RGS21: variants seen among roughly 807,000 people sequenced by gnomAD.
RGS21 encodes regulator of G-protein signalling 21.
In RGS21, 19 loss-of-function variants were observed where a neutral mutation model predicts 18.7. The ratio of observed to expected loss-of-function variants is 1.01; its 90% CI spans 0.71 to 1.49. The LOEUF is 1.49. Among genes scored for constraint, RGS21 ranks in the 40% most tolerant of loss-of-function variants. The probability of loss-of-function intolerance (pLI) is 0.00; values close to 1 mark genes in which losing one functional copy is unlikely to be tolerated. For missense variants in RGS21, 194 were observed against 176.8 expected, an observed-to-expected ratio of 1.10 and a Z score of -0.55; for synonymous variants, 56 against 57.8, an observed-to-expected ratio of 0.97 and a Z score of 0.14.
chr1:192,356,046 G>A (rs918646909), intron 4 of RGS21, among the ~76,000 whole-genome samples: 1 of 151,732 alleles, frequency 6.6e-6, no homozygotes, highest in Non-Finnish European at 1.5e-5. Flanking sequence ...AAAAACAGCA[G>A]AAAATGTTTA....
chr1:192,338,685 T>C (rs1345205483), intron 1 of RGS21, among the ~76,000 whole-genome samples: 1 of 152,126 alleles, frequency 6.6e-6, no homozygotes, highest in Non-Finnish European at 1.5e-5. Flanking sequence ...GGAAATTCCA[T>C]GCCACACTGT....
In RGS21 at chr1:192,317,088, C is replaced by T. The variant is rs1481480493; in HGVS notation, c.-78C>T. On this transcript the variant is annotated 5_prime_UTR_variant, in exon 1 of 5. Coordinates refer to ENST00000417209, the MANE Select transcript of RGS21 (RefSeq NM_001039152.3). ...ATCAAGAGAGCAAGGACAGTGATTT[C>T]CCCTGCATTGCATTTGTGTGAGTAT... 1.3e-5 allele frequency: 2 copies of T among 151,816 alleles called. No homozygotes were observed. Among genetic ancestry groups the T allele is most frequent in the Admixed American group, 6.6e-5 (1 of 15,216 alleles). The allele number at this position is 151,816 out of a possible 1,614,324, so 9.4% of individuals were successfully genotyped here.
intron 2 of RGS21, among the ~76,000 whole-genome samples, chr1:192,346,957 AC>A (rs1214897091): frequency 6.6e-6 from 1 of 152,174 alleles, no homozygotes; most frequent in Admixed American, 6.5e-5. Flanking sequence ...TGCTATCATA[AC>A]TTTTTGGCTA....
intron 4 of RGS21, among the ~76,000 whole-genome samples, chr1:192,353,789 C>A (rs1403515522): frequency 1.3e-5 from 2 of 151,486 alleles, no homozygotes; most frequent in African/African-American, 2.4e-5. Flanking sequence ...GGATATAAAA[C>A]TTCACAGCTT....
chr1:192,333,806 G>A (rs1053438903), intron 1 of RGS21, among the ~76,000 whole-genome samples: 1 of 151,916 alleles, frequency 6.6e-6, no homozygotes, highest in Non-Finnish European at 1.5e-5. Flanking sequence ...AATGACAAAG[G>A]GCAAACACAT....
intron 3 of RGS21, among the ~76,000 whole-genome samples, chr1:192,348,430 C>T (rs1222686671): frequency 6.6e-6 from 1 of 152,126 alleles, no homozygotes; most frequent in Non-Finnish European, 1.5e-5. Flanking sequence ...TTCACATGTA[C>T]TGTTGGTCAA....
chr1:192,366,643 A>C lies in RGS21; in HGVS notation c.*519A>C, dbSNP rs1038085940. ...CTACGCCTCTCAAATTATATTTTTT[A>C]AATCACAGGAATGTATACACATTTA... On this transcript the variant is annotated 3_prime_UTR_variant, in exon 5 of 5. Transcript: ENST00000417209. The C allele has an allele frequency of 6.6e-6, 1 of 152,494 alleles. No homozygotes were observed. Among genetic ancestry groups the C allele is most frequent in the Non-Finnish European group, 1.5e-5 (1 of 68,302 alleles). 9.4% of individuals were successfully genotyped at this position (152,494 alleles called of 1,614,324 possible). A position where few individuals can be genotyped will look rare whatever the true frequency, so the allele number is the denominator to read the frequency against.
In RGS21 at chr1:192,352,219, T is replaced by G. The variant is rs768303628; in HGVS notation, c.255+6T>G. On this transcript the variant is annotated splice_donor_region_variant and intron_variant, in intron 4 of 4. Transcript: ENST00000417209. ...AAGCTGATGCACCTAAAGAGGTGAG[T>G]GAACTACTTCAGAACAGTGAAGAGT... 10 of 1,596,914 alleles carry G rather than the reference T, an allele frequency of 6.3e-6. No individual in the cohort carries two copies. Among genetic ancestry groups the G allele is most frequent in the African/African-American group, 1.3e-5 (1 of 74,328 alleles).
chr1:192,359,681 C>G (rs943676913), intron 4 of RGS21, among the ~76,000 whole-genome samples: 5 of 73,446 alleles, frequency 6.8e-5, no homozygotes, highest in African/African-American at 3.1e-4. Flanking sequence ...ATATATATTC[C>G]TGTTTACCAT....
intron 1 of RGS21, among the ~76,000 whole-genome samples, chr1:192,341,638 G>T (rs1156919114): frequency 6.6e-6 from 1 of 151,986 alleles, no homozygotes; most frequent in African/African-American, 2.4e-5. Flanking sequence ...TTTGTGGAAG[G>T]ATTTATGAGA....
At chr1:192,357,750 G>A (rs1049905501) in intron 4 of RGS21, among the ~76,000 whole-genome samples, 1 of 151,932 alleles carries the variant, frequency 6.6e-6, no homozygotes, top group African/African-American at 2.4e-5. Context: ...AAATTATCTA[G>A]TCACATACAA....
intron 1 of RGS21, among the ~76,000 whole-genome samples, chr1:192,332,704 A>G (rs1184602995): frequency 2.6e-5 from 4 of 152,344 alleles, no homozygotes; most frequent in Middle Eastern, 3.4e-3. Flanking sequence ...CAAGCTGCAT[A>G]TCTAATAAGG....
chr1:192,325,779 C>T (rs952526176), intron 1 of RGS21, among the ~76,000 whole-genome samples: 17 of 151,978 alleles, frequency 1.1e-4, no homozygotes, highest in Non-Finnish European at 5.9e-5. Flanking sequence ...GTCCTTTGCC[C>T]AATTTGTAAT....
intron 1 of RGS21, among the ~76,000 whole-genome samples, chr1:192,323,590 GA>G (rs1195609152): frequency 1.3e-5 from 2 of 151,962 alleles, no homozygotes; most frequent in African/African-American, 2.4e-5. Flanking sequence ...AATTGACTGG[GA>G]AAAAAAGTTA....
At chr1:192,335,461 G>A (rs1214878341) in intron 1 of RGS21, among the ~76,000 whole-genome samples, 1 of 152,074 alleles carries the variant, frequency 6.6e-6, no homozygotes, top group Non-Finnish European at 1.5e-5. Flanking sequence ...TTTTGAGTGT[G>A]TTCCTTAGTT....
chr1:192,327,229 G>A (rs1328948023), intron 1 of RGS21, among the ~76,000 whole-genome samples: 1 of 151,188 alleles, frequency 6.6e-6, no homozygotes, highest in East Asian at 1.9e-4. Flanking sequence ...AAAGAGCAAT[G>A]AAAAAAAAGA....
chr1:192,317,208 A>C (rs943329024), intron 1 of RGS21, 103 bp downstream of exon 1: 2 of 151,994 alleles, frequency 1.3e-5, no homozygotes, highest in African/African-American at 4.8e-5. Context: ...GATTCTTTTC[A>C]TCAAACTCAG....
At chr1:192,343,959 T>TC (rs1658910379) in intron 2 of RGS21, among the ~76,000 whole-genome samples, 1 of 152,080 alleles carries the variant, frequency 6.6e-6, no homozygotes, top group African/African-American at 2.4e-5. Context: ...TCCTCTTTTT[T>TC]CTCCAACTTT....
At chr1:192,350,473 C>T (rs964041055) in intron 3 of RGS21, among the ~76,000 whole-genome samples, 1 of 152,138 alleles carries the variant, frequency 6.6e-6, no homozygotes, top group Non-Finnish European at 1.5e-5. Flanking sequence ...TTTCCATAAA[C>T]TTATTCCTCC....
Sources: gnomAD v4.1 joint callset for allele counts (sites outside exome capture counted in the v4.1 genomes callset) on GRCh38, gnomAD v4.1.1 for gene constraint, MANE v1.5 for transcripts, NCBI Gene and HGNC (gene_info 2026-07-23, HGNC 2026-07-21) for gene names.